GRIK1: variants seen among roughly 807,000 people sequenced by gnomAD.
GRIK1 encodes the protein glutamate ionotropic receptor kainate type subunit 1.
A neutral mutation model predicts 105.7 loss-of-function variants in GRIK1; 69 were observed. The observed-to-expected ratio is 0.65, with a 90% CI of 0.54 to 0.80. The LOEUF is 0.80. Ranked by LOEUF, GRIK1 falls within the 30% of genes least tolerant of loss-of-function variation. GRIK1 has a pLI of 0.00. For missense variants in GRIK1, 1,109 were observed against 1,167.3 expected (o/e 0.95, Z 0.73); for synonymous variants, 438 against 431.3 (o/e 1.02, Z -0.19).
chr21:29,892,549 G>GC (rs200326330), intron 1 of GRIK1, among the ~76,000 whole-genome samples: 61 of 152,342 alleles, frequency 4.0e-4, no homozygotes, highest in African/African-American at 1.4e-3. Context: ...GGATTGGCAG[G>GC]CCAGGGCAGC....
intron 4 of GRIK1, among the ~76,000 whole-genome samples, chr21:29,671,389 C>T (rs931192898): frequency 6.7e-6 from 1 of 149,862 alleles, no homozygotes; most frequent in Non-Finnish European, 1.5e-5. Context: ...CCTCCCAACT[C>T]CAACTTTAAA....
intron 1 of GRIK1, among the ~76,000 whole-genome samples, chr21:29,932,866 T>C (rs530136154): frequency 6.6e-6 from 1 of 151,814 alleles, no homozygotes; most frequent in East Asian, 1.9e-4. Flanking sequence ...AAAGATATTT[T>C]AAGTCTAATA....
rs141951756 is a variant in GRIK1 at position 29,891,577 on chromosome 21, C to G, written c.118+47806G>C. 3.5e-3 allele frequency among the ~76,000 whole-genome samples: 530 copies of G among 152,310 alleles called. 1 individual carries two copies. The highest frequency in any genetic ancestry group is 0.01 in the African/African-American group (434 of 41,574). On this transcript the variant is annotated intron_variant, in intron 1 of 17. Transcript: ENST00000327783. Reference sequence around the variant, plus strand: ...TGAAGCAATGCTCATCTGTGACCATCTGTTCTTACTATAAAACAGTAGATT... The same window carrying G: ...TGAAGCAATGCTCATCTGTGACCATGTGTTCTTACTATAAAACAGTAGATT...
At chr21:29,630,048 A>G (rs2062229676) in intron 7 of GRIK1, among the ~76,000 whole-genome samples, 1 of 152,212 alleles carries the variant, frequency 6.6e-6, no homozygotes, top group Admixed American at 6.5e-5. Context: ...TAGTACTGAC[A>G]CAGCATTAGA....
intron 1 of GRIK1, among the ~76,000 whole-genome samples, chr21:29,772,614 C>G (rs2065840452): frequency 6.6e-6 from 1 of 152,124 alleles, no homozygotes; most frequent in South Asian, 2.1e-4. Flanking sequence ...TGAACAAAAA[C>G]TAATTGCAGT....
At chr21:29,892,316 G>T (rs2069931885) in intron 1 of GRIK1, among the ~76,000 whole-genome samples, 1 of 152,228 alleles carries the variant, frequency 6.6e-6, no homozygotes, top group Non-Finnish European at 1.5e-5. Flanking sequence ...AGGAGGTAAA[G>T]GAAGGAGGTG....
chr21:29,813,783 C>T (rs1398278583), intron 1 of GRIK1, among the ~76,000 whole-genome samples: 3 of 152,008 alleles, frequency 2.0e-5, no homozygotes, highest in Non-Finnish European at 4.4e-5. Flanking sequence ...TTACATAATA[C>T]TGTAATGCAA....
chr21:29,922,912 A>C (rs1214251694), intron 1 of GRIK1, among the ~76,000 whole-genome samples: 1 of 152,170 alleles, frequency 6.6e-6, no homozygotes, highest in Non-Finnish European at 1.5e-5. Context: ...ATAAGACCAG[A>C]CTGCAGAACA....
chr21:29,601,019 GC>G (rs1423151159), intron 7 of GRIK1, among the ~76,000 whole-genome samples: 3 of 152,176 alleles, frequency 2.0e-5, no homozygotes, highest in Admixed American at 2.0e-4. Context: ...GTGTCAACTT[GC>G]CTAGGCCACA....
At chr21:29,560,514 TCC>T (rs1491521259) in intron 15 of GRIK1, among the ~76,000 whole-genome samples, 1,042 of 39,264 alleles carry the variant, frequency 0.027, 150 homozygotes, top group African/African-American at 0.063. Context: ...CTTCCTTCCT[TCC>T]TTCCTTTCTT....
chr21:29,931,590 T>C (rs973723270), intron 1 of GRIK1, among the ~76,000 whole-genome samples: 9 of 152,206 alleles, frequency 5.9e-5, no homozygotes, highest in African/African-American at 2.2e-4. Flanking sequence ...CAGTATGCAC[T>C]CATGGGAGCA....
intron 1 of GRIK1, among the ~76,000 whole-genome samples, chr21:29,868,333 A>C (rs1187453339): frequency 6.6e-6 from 1 of 152,168 alleles, no homozygotes; most frequent in Non-Finnish European, 1.5e-5. Flanking sequence ...TGTATTTTAA[A>C]TAAGTTTTTA....
chr21:29,888,194 T>TTCCTTTCTTTC (rs2069727928), intron 1 of GRIK1, among the ~76,000 whole-genome samples: 1 of 17,874 alleles, frequency 5.6e-5, no homozygotes, highest in African/African-American at 9.6e-5. Context: ...CCTTTCTTTC[T>TTCCTTTCTTTC]TTCTCTCTCT....
intron 1 of GRIK1, among the ~76,000 whole-genome samples, chr21:29,706,869 G>C (rs1422769111): frequency 2.0e-5 from 3 of 152,068 alleles, no homozygotes; most frequent in Non-Finnish European, 4.4e-5. Context: ...GATATTCAAG[G>C]CATTTTTTTT....
Position 29,587,363 on chromosome 21 carries a change from T to C in GRIK1, c.1793+3A>G, listed in dbSNP as rs760112025. 1.9e-6 allele frequency: 3 copies of C among 1,580,702 alleles called. No homozygotes were observed. Among genetic ancestry groups the C allele is most frequent in the East Asian group, 4.5e-5 (2 of 44,694 alleles). On this transcript the variant is annotated splice_donor_region_variant and intron_variant, in intron 12 of 17. Coordinates refer to ENST00000327783, the MANE Select transcript of GRIK1 (RefSeq NM_001330994.2). ...TTGTGAATTCAGTGATTCTCAAACTTACCTTGCAATCACAAAGAGTACACA... is the reference window on the plus strand; with the variant it reads ...TTGTGAATTCAGTGATTCTCAAACTCACCTTGCAATCACAAAGAGTACACA...
At chr21:29,574,505 G>A (rs915178720) in intron 14 of GRIK1, among the ~76,000 whole-genome samples, 1 of 152,012 alleles carries the variant, frequency 6.6e-6, no homozygotes, top group Non-Finnish European at 1.5e-5. Context: ...CCTTGTTTCT[G>A]ACAAGGACCA....
chr21:29,615,042 T>G (rs1291565744), intron 7 of GRIK1, among the ~76,000 whole-genome samples: 1 of 151,714 alleles, frequency 6.6e-6, no homozygotes, highest in Non-Finnish European at 1.5e-5. Context: ...TAAGTTCTTG[T>G]TGAATGAGCG....
chr21:29,892,378 G>C (rs1423876501), intron 1 of GRIK1, among the ~76,000 whole-genome samples: 1 of 152,222 alleles, frequency 6.6e-6, no homozygotes, highest in Admixed American at 6.5e-5. Context: ...TCAAAAGCAG[G>C]CAGTGAGGAG....
At chr21:29,599,555 C>G (rs554697674) in intron 7 of GRIK1, among the ~76,000 whole-genome samples, 1 of 152,156 alleles carries the variant, frequency 6.6e-6, no homozygotes, top group Non-Finnish European at 1.5e-5. Flanking sequence ...TCAGCGGGAC[C>G]GTGCTCTCTC....
Sources: gnomAD v4.1 joint callset for allele counts (sites outside exome capture counted in the v4.1 genomes callset) on GRCh38, gnomAD v4.1.1 for gene constraint, MANE v1.5 for transcripts, NCBI Gene and HGNC (gene_info 2026-07-23, HGNC 2026-07-21) for gene names.